Variants in C1QTNF9B observed in about 807,000 individuals in gnomAD.
C1QTNF9B encodes C1q and TNF related 9B.
In C1QTNF9B, 9 loss-of-function variants were observed where a neutral mutation model predicts 10.1. That is an observed-to-expected ratio of 0.89 (90% confidence interval 0.53 to 1.55). The LOEUF (loss-of-function observed/expected upper bound fraction) is 1.55. Among genes scored for constraint, C1QTNF9B ranks in the 40% most tolerant of loss-of-function variants. The probability of loss-of-function intolerance (pLI) is 0.00; values close to 1 mark genes in which losing one functional copy is unlikely to be tolerated. For synonymous variants in C1QTNF9B, 79 were observed against 159.9 expected, an observed-to-expected ratio of 0.49 and a Z score of 3.82; for missense variants, 196 against 414.4, an observed-to-expected ratio of 0.47 and a Z score of 4.58.
chr13:23,891,549 C>T, exon 3 of C1QTNF9B: 1 of 1,607,868 alleles, frequency 6.2e-7, no homozygotes, highest in South Asian at 1.1e-5. Flanking sequence ...AAGTAATAGA[C>T]CCCAGCAATG....
chr13:23,891,379 C>A, exon 3 of C1QTNF9B: 1 of 1,581,436 alleles, frequency 6.3e-7, no homozygotes, highest in East Asian at 2.2e-5. Flanking sequence ...CTCCTGTCAC[C>A]TGCAGCCACA....
chr13:23,893,478 G>C (rs1241199645), intron 2 of C1QTNF9B, among the ~76,000 whole-genome samples: 1 of 151,992 alleles, frequency 6.6e-6, no homozygotes, highest in Admixed American at 6.6e-5. Context: ...TTGTTTTTCT[G>C]GTTTTTGTTT....
rs561872045 is a variant in C1QTNF9B at position 23,896,845 on chromosome 13, C to G, written c.142G>C (p.Ala48Pro). The G allele has an allele frequency of 2.5e-6, 4 of 1,613,350 alleles. No homozygotes were observed. In the Admixed American group the frequency reaches 5.0e-5, roughly 20 times the overall value. The change falls in exon 1 of 3, where the codon GCG (alanine) becomes CCG (proline). Residue 48 changes from alanine (A) to proline (P), a missense_variant. Physicochemically the swap from Ala to Pro is conservative, Grantham distance 27 (BLOSUM62 -1). Coordinates refer to ENST00000382137, the Ensembl canonical transcript of C1QTNF9B. ...CCTGCATCGCCTTTGTCACCCTTCG[C>G]TCCGTCTCGTCCATCTCTTCCAGGC...
intron 1 of C1QTNF9B, among the ~76,000 whole-genome samples, chr13:23,896,547 A>G (rs1045436177): frequency 6.6e-6 from 1 of 152,218 alleles, no homozygotes; most frequent in Non-Finnish European, 1.5e-5. Context: ...GCGGTGTCAG[A>G]GATGAGAGAA....
chr13:23,895,772 C>T (rs1289575795), intron 1 of C1QTNF9B, among the ~76,000 whole-genome samples: 3 of 151,978 alleles, frequency 2.0e-5, no homozygotes, highest in South Asian at 2.1e-4. Context: ...CACACACACA[C>T]ACACACACAC....
intron 2 of C1QTNF9B, among the ~76,000 whole-genome samples, chr13:23,892,641 T>G (rs2137565022): frequency 6.6e-6 from 1 of 152,164 alleles, no homozygotes; most frequent in East Asian, 1.9e-4. Flanking sequence ...GGCAACAGAG[T>G]GAGACCCTGT....
At chr13:23,896,867 A>G in exon 1 of C1QTNF9B, 1 of 1,613,962 alleles carries the variant, frequency 6.2e-7, no homozygotes. Context: ...CATCTCTTCC[A>G]GGCAGACCAT....
chr13:23,893,281 C>T (rs1202847233), intron 2 of C1QTNF9B, among the ~76,000 whole-genome samples: 1 of 152,124 alleles, frequency 6.6e-6, no homozygotes, highest in Non-Finnish European at 1.5e-5. Context: ...ACGACTACAT[C>T]CCAACCCATC....
At chr13:23,895,495 T>G (rs1024140471) in intron 1 of C1QTNF9B, among the ~76,000 whole-genome samples, 6 of 152,262 alleles carry the variant, frequency 3.9e-5, no homozygotes, top group African/African-American at 1.4e-4. Context: ...ATAATACTTA[T>G]GAATTACATA....
chr13:23,893,788 T>C (rs1273777610), intron 2 of C1QTNF9B, among the ~76,000 whole-genome samples: 2 of 152,170 alleles, frequency 1.3e-5, no homozygotes, highest in Non-Finnish European at 2.9e-5. Context: ...CATGTTTAAA[T>C]GGTCACAAAT....
chr13:23,895,592 C>T (rs890618741), intron 1 of C1QTNF9B, among the ~76,000 whole-genome samples: 1 of 152,026 alleles, frequency 6.6e-6, no homozygotes, highest in East Asian at 1.9e-4. Flanking sequence ...AAATTCAACA[C>T]GGAAGAGGTA....
intron 2 of C1QTNF9B, among the ~76,000 whole-genome samples, chr13:23,892,834 T>C (rs1872064213): frequency 6.6e-6 from 1 of 152,120 alleles, no homozygotes; most frequent in East Asian, 1.9e-4. Flanking sequence ...TGTCAATCCA[T>C]GACAAAAAGC....
At position 23,891,390 on chromosome 13, in the gene C1QTNF9B, T is replaced by C. The variant is rs41286066; in HGVS notation, c.901A>G (p.Met301Val). ...TCTCCTCCTGTCACCTGCAGCCACATCTCATCCCCGAGCTTCAGCTGCAGG... is the reference window on the plus strand; with the variant it reads ...TCTCCTCCTGTCACCTGCAGCCACACCTCATCCCCGAGCTTCAGCTGCAGG... Residue 301 changes from methionine to valine, a missense_variant, in exon 3 of 3, where the codon ATG (methionine) becomes GTG (valine). Met to Val is a conservative substitution (Grantham distance 21). Coordinates refer to ENST00000382137, the Ensembl canonical transcript of C1QTNF9B. The C allele has an allele frequency of 2.8e-4, 435 of 1,580,432 alleles. 39 individuals carry two copies. The African/African-American group carries it at 5.1e-3, about 19-fold the overall frequency.
intron 1 of C1QTNF9B, among the ~76,000 whole-genome samples, chr13:23,895,257 G>A (rs1207892886): frequency 2.0e-5 from 3 of 151,728 alleles, no homozygotes; most frequent in Admixed American, 2.0e-4. Context: ...TAGAGCAGTG[G>A]CCTCTGAGCT....
At chr13:23,896,882 A>G in exon 1 of C1QTNF9B, 1 of 1,614,038 alleles carries the variant, frequency 6.2e-7, no homozygotes, top group Non-Finnish European at 8.5e-7. Flanking sequence ...GACCATTGTG[A>G]CCGGGGTTCC....
Position 23,893,574 on chromosome 13 carries a change from G to A in C1QTNF9B, c.229+565C>T, listed in dbSNP as rs190608541. Among the ~76,000 whole-genome samples the A allele has an allele frequency of 2.8e-3, 429 of 152,302 alleles. 2 individuals carry two copies. Among genetic ancestry groups the A allele is most frequent in the African/African-American group, 9.8e-3 (408 of 41,552 alleles). ...GGCAGCCTCAAACTCCCAGGCTCAA[G>A]TGATCCTCCCATCTCAGCCTCCTGA... On this transcript the variant is annotated intron_variant, in intron 2 of 2. Coordinates refer to ENST00000382137, the Ensembl canonical transcript of C1QTNF9B.
At chr13:23,896,847 C>T (rs764649898) in exon 1 of C1QTNF9B, 5 of 1,613,236 alleles carry the variant, frequency 3.1e-6, no homozygotes, top group African/African-American at 1.3e-5. Flanking sequence ...ACCCTTCGCT[C>T]CGTCTCGTCC....
At chr13:23,895,050 C>T (rs1327461445) in intron 1 of C1QTNF9B, among the ~76,000 whole-genome samples, 4 of 152,152 alleles carry the variant, frequency 2.6e-5, no homozygotes, top group African/African-American at 7.2e-5. Context: ...ATTTCTGTCA[C>T]GATGTCTGTT....
intron 2 of C1QTNF9B, among the ~76,000 whole-genome samples, chr13:23,893,234 G>T (rs1184290521): frequency 6.6e-6 from 1 of 152,164 alleles, no homozygotes; most frequent in Non-Finnish European, 1.5e-5. Flanking sequence ...GTCAGTACAT[G>T]AAAAGCACAA....
Sources: allele counts gnomAD v4.1 joint callset (sites outside exome capture counted in the v4.1 genomes callset), GRCh38; gene constraint gnomAD v4.1.1; transcripts MANE v1.5; gene names NCBI Gene and HGNC (gene_info 2026-07-23, HGNC 2026-07-21).